The following PATJ variants were observed in gnomAD, a reference collection of about 807,000 sequenced individuals.
The protein encoded by PATJ is inaD-like protein.
PATJ carries 190 observed loss-of-function variants against 224.9 expected under a neutral mutation model. The observed-to-expected ratio is 0.84, with a 90% confidence interval of 0.75 to 0.95. PATJ has a LOEUF of 0.95. Among genes scored for constraint, PATJ ranks in the 40% least tolerant of loss-of-function variants. The pLI, the probability that PATJ is intolerant of heterozygous loss-of-function variation, is 0.00. For missense variants in PATJ, 2,121 were observed against 2,270.3 expected (o/e 0.93, Z 1.34); for synonymous variants, 769 against 820.3 (o/e 0.94, Z 1.07).
At chr1:61,838,498 G>A (rs1660559767) in intron 17 of PATJ, among the ~76,000 whole-genome samples, 1 of 150,464 alleles carries the variant, frequency 6.6e-6, no homozygotes, top group African/African-American at 2.4e-5. Flanking sequence ...GGGACTACAG[G>A]CACCTGCTAC....
intron 43 of PATJ, 122 bp from the exon 44 acceptor site, chr1:62,160,786 A>G (rs1212125084): frequency 2.0e-6 from 2 of 984,170 alleles, no homozygotes; most frequent in South Asian, 2.0e-5. Context: ...AAAAAACTTA[A>G]TTGGTAGTTT....
rs58055963 is a variant in PATJ, at chr1:62,162,828, TCC to T, written c.*1776_*1777del. ...TGGGTGCAGTGGCAGGCGCCTGTAA[TCC>T]CAGCTACTCCGGAGGTTGAAGCAGG... On this transcript the variant is annotated 3_prime_UTR_variant, in exon 44 of 44. Transcript: ENST00000642238. 32,114 of 213,864 alleles carry T rather than the reference TCC, an allele frequency of 0.15. 4,030 individuals carry two copies. The highest frequency in any genetic ancestry group is 0.63 in the East Asian group (3,659 of 5,824). 13.2% of individuals were successfully genotyped at this position (213,864 alleles called of 1,614,324 possible). A position where few individuals can be genotyped will look rare whatever the true frequency, so the allele number is the denominator to read the frequency against.
intron 35 of PATJ, among the ~76,000 whole-genome samples, chr1:62,115,934 G>A (rs1664403742): frequency 2.0e-5 from 3 of 152,042 alleles, no homozygotes; most frequent in Admixed American, 6.6e-5. Flanking sequence ...AACAAAAAAA[G>A]CTGAGTCTCT....
intron 24 of PATJ, 127 bp from the exon 25 acceptor site, chr1:61,908,245 T>C: frequency 1.6e-6 from 1 of 616,270 alleles, no homozygotes; most frequent in Non-Finnish European, 2.8e-6. Context: ...AATCTTATTT[T>C]TTTCTGACCG....
chr1:62,009,940 T>G (rs6678093), intron 28 of PATJ, among the ~76,000 whole-genome samples: 44,676 of 150,976 alleles, frequency 0.3, 7,208 homozygotes, highest in East Asian at 0.47. Flanking sequence ...AAAATTAGCC[T>G]AGTGTGGTGG....
intron 28 of PATJ, among the ~76,000 whole-genome samples, chr1:62,006,964 G>C (rs1296227121): frequency 6.6e-6 from 1 of 152,118 alleles, no homozygotes; most frequent in Non-Finnish European, 1.5e-5. Context: ...GCATGTTACT[G>C]TACTGAATAC....
intron 34 of PATJ, among the ~76,000 whole-genome samples, chr1:62,109,835 C>T (rs1372258169): frequency 5.3e-5 from 8 of 152,104 alleles, no homozygotes; most frequent in Admixed American, 5.2e-4. Flanking sequence ...GGTGTAAGTA[C>T]CCATCTGGCA....
At chr1:61,915,039 T>G (rs938258078) in intron 26 of PATJ, among the ~76,000 whole-genome samples, 4 of 152,214 alleles carry the variant, frequency 2.6e-5, no homozygotes, top group Non-Finnish European at 4.4e-5. Flanking sequence ...TTTTCATTCT[T>G]TAAGGACCAC....
chr1:61,818,762 C>T (rs925112709), intron 14 of PATJ, among the ~76,000 whole-genome samples: 4 of 152,118 alleles, frequency 2.6e-5, no homozygotes, highest in Admixed American at 1.3e-4. Flanking sequence ...GGGGGAATAG[C>T]CTAGAAGGCA....
At chr1:62,021,353 C>A (rs1276792853) in intron 29 of PATJ, among the ~76,000 whole-genome samples, 1 of 152,166 alleles carries the variant, frequency 6.6e-6, no homozygotes, top group Non-Finnish European at 1.5e-5. Context: ...CTATTAATAC[C>A]TTCATGTTGG....
chr1:62,015,042 G>A (rs545879389), intron 28 of PATJ, among the ~76,000 whole-genome samples: 3 of 152,292 alleles, frequency 2.0e-5, no homozygotes, highest in South Asian at 2.1e-4. Context: ...GCTCACGCCT[G>A]TAATCCCAGC....
chr1:61,911,685 C>A (rs1294104264), intron 25 of PATJ, among the ~76,000 whole-genome samples: 1 of 124,766 alleles, frequency 8.0e-6, no homozygotes, highest in Non-Finnish European at 1.5e-5. Context: ...ATTCCATCAT[C>A]TATATATTTT....
chr1:61,973,806 AT>A (rs913944440), intron 27 of PATJ, among the ~76,000 whole-genome samples: 57 of 152,092 alleles, frequency 3.7e-4, no homozygotes, highest in African/African-American at 1.4e-3. Flanking sequence ...GCTTTTCGCA[AT>A]GCTGTTTTCA....
At chr1:62,028,237 G>A (rs1648413728) in intron 29 of PATJ, among the ~76,000 whole-genome samples, 1 of 152,024 alleles carries the variant, frequency 6.6e-6, no homozygotes, top group African/African-American at 2.4e-5. Flanking sequence ...ATGTTGCTCA[G>A]GCTGGAGAGT....
intron 43 of PATJ, among the ~76,000 whole-genome samples, chr1:62,160,445 G>C (rs192781373): frequency 6.6e-6 from 1 of 152,148 alleles, no homozygotes; most frequent in Non-Finnish European, 1.5e-5. Flanking sequence ...CCCATTTAAA[G>C]ACTACACTTA....
rs904971648 is a variant in PATJ at position 62,157,552 on chromosome 1, G to A, written c.5503-3356G>A. Among the ~76,000 whole-genome samples, 3 of 148,060 alleles carry A rather than the reference G, an allele frequency of 2.0e-5. 1 individual carries two copies. Among genetic ancestry groups the A allele is most frequent in the Admixed American group, 7.1e-5 (1 of 14,096 alleles). ...GAAAACTTAAAAATCCAAGCCAGGA[G>A]GGGGATGATGGCTCATGCCTGTAAT... On this transcript the variant is annotated intron_variant, in intron 43 of 43. Coordinates refer to ENST00000642238, the MANE Select transcript of PATJ (RefSeq NM_001350145.3).
At chr1:62,010,506 G>A (rs1646383408) in intron 28 of PATJ, among the ~76,000 whole-genome samples, 1 of 135,736 alleles carries the variant, frequency 7.4e-6, no homozygotes, top group South Asian at 2.7e-4. Context: ...TACTTTTTTA[G>A]CTCCCACATA....
At chr1:61,886,811 C>G (rs371858123) in intron 22 of PATJ, among the ~76,000 whole-genome samples, 606 of 21,114 alleles carry the variant, frequency 0.029, 30 homozygotes, top group African/African-American at 0.074. Context: ...CAGAGCAAGA[C>G]CCCATCTCAA....
chr1:61,836,756 G>C (rs1215259729), intron 17 of PATJ, among the ~76,000 whole-genome samples: 1 of 152,198 alleles, frequency 6.6e-6, no homozygotes, highest in Non-Finnish European at 1.5e-5. Context: ...CCAGGCAAAG[G>C]GTTTAGCAAA....
Sources: allele counts gnomAD v4.1 joint callset (sites outside exome capture counted in the v4.1 genomes callset), GRCh38; gene constraint gnomAD v4.1.1; transcripts MANE v1.5; gene names NCBI Gene and HGNC (gene_info 2026-07-23, HGNC 2026-07-21).